CLEC16A: variants seen among roughly 807,000 people sequenced by gnomAD.
The protein encoded by CLEC16A is protein CLEC16A.
In CLEC16A, 51 loss-of-function variants were observed where a neutral mutation model predicts 109.5. That is an observed-to-expected ratio of 0.47 (90% CI 0.37 to 0.59). CLEC16A has a LOEUF of 0.59. CLEC16A is among the 20% of genes least tolerant of loss of function. The pLI is 0.00. For synonymous variants in CLEC16A, 673 were observed against 564.2 expected, an observed-to-expected ratio of 1.19 and a Z score of -2.73; for missense variants, 1,339 against 1,394.0, an observed-to-expected ratio of 0.96 and a Z score of 0.63.
intron 15 of CLEC16A, 76 bp downstream of exon 15, chr16:11,042,439 C>A: frequency 8.4e-7 from 1 of 1,190,832 alleles, no homozygotes. Context: ...CTGCTGGCAT[C>A]CAGATAGGAG....
chr16:11,137,587 T>TAAAAAAAAAAAA (rs5815617), intron 22 of CLEC16A, among the ~76,000 whole-genome samples: 1 of 59,312 alleles, frequency 1.7e-5, no homozygotes, highest in Non-Finnish European at 3.1e-5. Context: ...AGACTCCATC[T>TAAAAAAAAAAAA]AAAAAAAAAA....
intron 1 of CLEC16A, 27 bp downstream of exon 1, chr16:10,944,824 C>A (rs1331252076): frequency 1.9e-6 from 3 of 1,575,796 alleles, no homozygotes; most frequent in African/African-American, 2.7e-5. Flanking sequence ...TAGCGGGAGG[C>A]CTCGGGGCTG....
intron 22 of CLEC16A, among the ~76,000 whole-genome samples, chr16:11,166,147 A>C (rs2068251056): frequency 6.6e-6 from 1 of 152,346 alleles, no homozygotes; most frequent in South Asian, 2.1e-4. Context: ...TCATGGCCCC[A>C]CACTCAGCTC....
chr16:10,950,328 A>T (rs1200112843), intron 1 of CLEC16A, among the ~76,000 whole-genome samples: 1 of 152,228 alleles, frequency 6.6e-6, no homozygotes, highest in Non-Finnish European at 1.5e-5. Context: ...TAAGCAATCA[A>T]CAAATATTTG....
chr16:11,152,206 A>C (rs149665145), intron 22 of CLEC16A, among the ~76,000 whole-genome samples: 51 of 152,226 alleles, frequency 3.4e-4, no homozygotes, highest in Admixed American at 6.5e-4. Flanking sequence ...TTTTAAAAGA[A>C]AGTGGAAGCC....
intron 19 of CLEC16A, among the ~76,000 whole-genome samples, chr16:11,092,219 C>T (rs112259912): frequency 2.0e-5 from 3 of 152,046 alleles, no homozygotes; most frequent in Non-Finnish European, 4.4e-5. Flanking sequence ...TGGTATGCAC[C>T]TGTAGTCCAA....
At chr16:11,048,194 C>G (rs940628868) in intron 17 of CLEC16A, 1 of 152,358 alleles carries the variant, frequency 6.6e-6, no homozygotes, top group Non-Finnish European at 1.5e-5. Flanking sequence ...AGCCCCGCAT[C>G]CCCCGTGCTT....
chr16:10,957,903 G>C lies in CLEC16A; in HGVS notation c.202G>C (p.Val68Leu), dbSNP rs1275321564. The change falls in exon 2 of 24, where the codon GTA (valine) becomes CTA (leucine). Residue 68 changes from valine (V) to leucine (L), a missense_variant. By Grantham distance (32) the Val-to-Leu change is conservative (BLOSUM62 1). Transcript: ENST00000409790. The part of the protein sequence containing the change: ...LIWGDQNDSS[V>L]FDFFLEKNMF... The stretch of plus-strand genomic sequence containing the variant: ...CTGGGGAGATCAAAATGACAGCTCT[G>C]TATTTGAGTAAGGGTTTCTAATGAT... 3.1e-6 allele frequency: 5 copies of C among 1,613,546 alleles called. No individual in the cohort carries two copies. In the Admixed American group the frequency reaches 8.3e-5, roughly 27 times the overall value.
At chr16:10,981,717 G>A (rs2043331139) in intron 9 of CLEC16A, among the ~76,000 whole-genome samples, 1 of 152,218 alleles carries the variant, frequency 6.6e-6, no homozygotes, top group African/African-American at 2.4e-5. Flanking sequence ...TAAAAACCGG[G>A]TTTCTGTTCT....
At chr16:11,166,111 C>A (rs546440751) in intron 22 of CLEC16A, among the ~76,000 whole-genome samples, 3 of 152,356 alleles carry the variant, frequency 2.0e-5, no homozygotes, top group Admixed American at 1.3e-4. Context: ...GCTGCTGAGC[C>A]AGTATCAGGC....
chr16:11,023,764 G>T (rs972559247), intron 12 of CLEC16A, among the ~76,000 whole-genome samples: 13 of 152,160 alleles, frequency 8.5e-5, no homozygotes, highest in African/African-American at 3.1e-4. Context: ...ATGTTCATTG[G>T]AGCTTGGGTG....
intron 22 of CLEC16A, among the ~76,000 whole-genome samples, chr16:11,136,621 G>C (rs1234071240): frequency 6.6e-6 from 1 of 152,250 alleles, no homozygotes; most frequent in African/African-American, 2.4e-5. Flanking sequence ...CAGTGGCACA[G>C]AGTTGCTCTT....
At chr16:11,104,135 G>C (rs1166405426) in intron 19 of CLEC16A, among the ~76,000 whole-genome samples, 2 of 152,090 alleles carry the variant, frequency 1.3e-5, no homozygotes, top group Admixed American at 1.3e-4. Flanking sequence ...TTGAGACAAG[G>C]TCTCACTCTG....
At chr16:11,168,182 C>G (rs1377687373) in intron 23 of CLEC16A, among the ~76,000 whole-genome samples, 1 of 152,198 alleles carries the variant, frequency 6.6e-6, no homozygotes, top group Non-Finnish European at 1.5e-5. Flanking sequence ...AATGTGACCC[C>G]TGAGGCTTCA....
chr16:10,989,809 C>T (rs1324959012), intron 10 of CLEC16A, among the ~76,000 whole-genome samples: 1 of 152,204 alleles, frequency 6.6e-6, no homozygotes, highest in Non-Finnish European at 1.5e-5. Context: ...CCTTGCTTCT[C>T]TGGGTTGTGT....
intron 19 of CLEC16A, among the ~76,000 whole-genome samples, chr16:11,067,655 G>T (rs2048846648): frequency 6.6e-6 from 1 of 152,204 alleles, no homozygotes; most frequent in Non-Finnish European, 1.5e-5. Context: ...GATCAGATTT[G>T]TATCTCAAAA....
chr16:11,120,807 T>C, intron 20 of CLEC16A, 41 bp downstream of exon 20: 1 of 1,392,626 alleles, frequency 7.2e-7, no homozygotes, highest in Non-Finnish European at 9.4e-7. Context: ...CTCAGTTGGC[T>C]ACAAACACAC....
At chr16:10,991,732 G>A (rs1489641221) in intron 10 of CLEC16A, among the ~76,000 whole-genome samples, 2 of 152,224 alleles carry the variant, frequency 1.3e-5, no homozygotes, top group Non-Finnish European at 1.5e-5. Context: ...TATCTCTAAT[G>A]AGCGGTGGAC....
chr16:11,125,098 C>T (rs2052709817), intron 21 of CLEC16A, among the ~76,000 whole-genome samples: 1 of 152,038 alleles, frequency 6.6e-6, no homozygotes, highest in African/African-American at 2.4e-5. Context: ...CAAAATAAAC[C>T]CTCAGAGGGC....
Sources: allele counts gnomAD v4.1 joint callset (sites outside exome capture counted in the v4.1 genomes callset), GRCh38; gene constraint gnomAD v4.1.1; transcripts MANE v1.5; gene names NCBI Gene and HGNC (gene_info 2026-07-23, HGNC 2026-07-21).